EIF5A2: variants seen among roughly 807,000 people sequenced by gnomAD.
EIF5A2 encodes the protein eukaryotic translation initiation factor 5A2, also known as eukaryotic translation initiation factor 5A-2.
A neutral mutation model predicts 16.4 loss-of-function variants in EIF5A2; 15 were observed. The observed-to-expected ratio is 0.92, with a 90% CI of 0.61 to 1.41. The LOEUF (loss-of-function observed/expected upper bound fraction) is 1.41, where lower values mean the gene tolerates loss of function less well. Among genes scored for constraint, EIF5A2 ranks in the 40% most tolerant of loss-of-function variants. EIF5A2 has a pLI of 0.00. For missense variants in EIF5A2, 144 were observed against 189.5 expected (o/e 0.76, Z 1.41); for synonymous variants, 48 against 61.1 (o/e 0.79, Z 1.00).
rs1178462797 is a variant in EIF5A2 at position 170,892,401 on chromosome 3, C to G, written c.*959G>C. 6.8e-6 allele frequency: 1 copy of G among 147,578 alleles called. No homozygotes were observed. Among genetic ancestry groups the G allele is most frequent in the African/African-American group, 2.8e-5 (1 of 36,254 alleles). The allele number at this position is 147,578 out of a possible 1,614,324, so 9.1% of individuals were successfully genotyped here. On this transcript the variant is annotated 3_prime_UTR_variant, in exon 5 of 5. Transcript: ENST00000295822. ...CCGAGATTGCACCACTGCACTCCAG[C>G]CTGGCTGATGGAGTGAGACTCAGTC...
chr3:170,902,364 C>T (rs1345468935), intron 3 of EIF5A2, among the ~76,000 whole-genome samples: 2 of 148,776 alleles, frequency 1.3e-5, no homozygotes, highest in Non-Finnish European at 3.0e-5. Flanking sequence ...TGGATTTGCA[C>T]TGATTATGAG....
chr3:170,902,679 G>C, intron 3 of EIF5A2, among the ~76,000 whole-genome samples: 1 of 147,718 alleles, frequency 6.8e-6, no homozygotes, highest in East Asian at 2.0e-4. Context: ...CGGGATCTTA[G>C]CTCACTGCAA....
intron 3 of EIF5A2, among the ~76,000 whole-genome samples, chr3:170,900,373 A>T (rs1440686090): frequency 6.6e-6 from 1 of 151,642 alleles, no homozygotes; most frequent in Non-Finnish European, 1.5e-5. Flanking sequence ...TCTCAAAAAA[A>T]AAAAAAAAAA....
intron 3 of EIF5A2, among the ~76,000 whole-genome samples, chr3:170,901,873 G>T (rs1712824181): frequency 6.6e-6 from 1 of 152,020 alleles, no homozygotes; most frequent in Non-Finnish European, 1.5e-5. Context: ...GCACTCTTGT[G>T]CTACTTCCTT....
chr3:170,903,102 CTGTACCCCTTCCATCA>C (rs565954651), intron 3 of EIF5A2, among the ~76,000 whole-genome samples: 172 of 152,344 alleles, frequency 1.1e-3, no homozygotes, highest in Admixed American at 2.3e-3. Flanking sequence ...GGCCACCTGA[CTGTACCCCTTCCATCA>C]TGAAACAGGC....
intron 1 of EIF5A2, among the ~76,000 whole-genome samples, chr3:170,908,116 C>A (rs2108297570): frequency 6.6e-6 from 1 of 152,316 alleles, no homozygotes; most frequent in South Asian, 2.1e-4. Flanking sequence ...AGGTTGCGGC[C>A]CCCATCGCCC....
chr3:170,893,500 AT>A, intron 4 of EIF5A2, 81 bp from the exon 5 acceptor site: 1 of 1,436,614 alleles, frequency 7.0e-7, no homozygotes, highest in Non-Finnish European at 9.6e-7. Context: ...TATATTGTAT[AT>A]TTGTGGATAT....
At chr3:170,895,822 T>C (rs1352754174) in intron 3 of EIF5A2, among the ~76,000 whole-genome samples, 1 of 152,144 alleles carries the variant, frequency 6.6e-6, no homozygotes, top group East Asian at 1.9e-4. Context: ...GAGGTTGAGG[T>C]AGAAGTGTAA....
chr3:170,904,304 T>C (rs1712880031), intron 3 of EIF5A2, among the ~76,000 whole-genome samples: 1 of 152,354 alleles, frequency 6.6e-6, no homozygotes, highest in Non-Finnish European at 1.5e-5. Context: ...TGTTTCCTGT[T>C]TACTTTTTAA....
rs149942499 is a variant in EIF5A2, at chr3:170,903,811, T to C, written c.270+3178A>G. Among the ~76,000 whole-genome samples, 650 of 152,320 alleles carry C rather than the reference T, an allele frequency of 4.3e-3. 1 individual carries two copies. Among genetic ancestry groups the C allele is most frequent in the Non-Finnish European group, 6.1e-3 (412 of 68,016 alleles). ...TGAATTCAATTAACATATCTAAACA[T>C]TCAAATAATATACTACTTATTTGAA... On this transcript the variant is annotated intron_variant, in intron 3 of 4. Transcript: ENST00000295822.
chr3:170,895,836 T>A (rs931342265), intron 3 of EIF5A2, among the ~76,000 whole-genome samples: 1 of 152,136 alleles, frequency 6.6e-6, no homozygotes, highest in Non-Finnish European at 1.5e-5. Flanking sequence ...AGTGTAACTT[T>A]TTAAAAAATA....
intron 3 of EIF5A2, 56 bp from the exon 4 acceptor site, chr3:170,894,479 AT>A: frequency 2.0e-6 from 3 of 1,513,412 alleles, no homozygotes; most frequent in Non-Finnish European, 2.7e-6. Context: ...CTTCTGTGTA[AT>A]GCTTACATAG....
At chr3:170,905,032 T>C (rs1366029095) in intron 3 of EIF5A2, among the ~76,000 whole-genome samples, 1 of 152,162 alleles carries the variant, frequency 6.6e-6, no homozygotes, top group Non-Finnish European at 1.5e-5. Context: ...ATACCAAGGG[T>C]TGGGACAAGG....
At position 170,892,668 on chromosome 3, in the gene EIF5A2, T is replaced by C. The variant is rs1421561806; in HGVS notation, c.*692A>G. ...ATTTAATCAACCCTCTTTGCCACTGTCTTTTGTGTCTTCCTTATAATCTTA... is the reference window on the plus strand; with the variant it reads ...ATTTAATCAACCCTCTTTGCCACTGCCTTTTGTGTCTTCCTTATAATCTTA... On this transcript the variant is annotated 3_prime_UTR_variant, in exon 5 of 5. Transcript: ENST00000295822. 1 of 397,970 alleles carries C rather than the reference T, an allele frequency of 2.5e-6. No individual in the cohort carries two copies. 24.7% of individuals were successfully genotyped at this position (397,970 alleles called of 1,614,324 possible). A position where few individuals can be genotyped will look rare whatever the true frequency, so the allele number is the denominator to read the frequency against.
chr3:170,907,243 G>C (rs1712958039), intron 2 of EIF5A2, 150 bp from the exon 3 acceptor site: 1 of 553,400 alleles, frequency 1.8e-6, no homozygotes, highest in African/African-American at 1.9e-5. Flanking sequence ...AAATGTAGTG[G>C]TCTTACAATT....
intron 3 of EIF5A2, among the ~76,000 whole-genome samples, chr3:170,896,454 C>G (rs754065815): frequency 7.2e-5 from 11 of 152,198 alleles, no homozygotes; most frequent in East Asian, 1.9e-4. Context: ...GCTGGTGGGA[C>G]GCAATTGGAT....
intron 3 of EIF5A2, among the ~76,000 whole-genome samples, chr3:170,899,504 A>G (rs1023244072): frequency 9.2e-5 from 14 of 151,908 alleles, no homozygotes; most frequent in Non-Finnish European, 1.8e-4. Flanking sequence ...GTTTTATAGA[A>G]TATTCCTCAG....
At chr3:170,893,834 A>T (rs975804927) in intron 4 of EIF5A2, among the ~76,000 whole-genome samples, 14 of 152,210 alleles carry the variant, frequency 9.2e-5, no homozygotes, top group African/African-American at 3.1e-4. Context: ...GGAGTTCAAA[A>T]CCAGCTTGGC....
intron 3 of EIF5A2, among the ~76,000 whole-genome samples, chr3:170,899,510 C>T (rs994825505): frequency 4.6e-5 from 7 of 151,672 alleles, no homozygotes; most frequent in Non-Finnish European, 1.0e-4. Flanking sequence ...TAGAATATTC[C>T]TCAGTTTGTG....
Sources: gnomAD v4.1 joint callset for allele counts (sites outside exome capture counted in the v4.1 genomes callset) on GRCh38, gnomAD v4.1.1 for gene constraint, MANE v1.5 for transcripts, NCBI Gene and HGNC (gene_info 2026-07-23, HGNC 2026-07-21) for gene names.